KIF13A: variants seen among roughly 807,000 people sequenced by gnomAD.
KIF13A encodes kinesin family member 13A.
KIF13A carries 79 observed loss-of-function variants against 212.2 expected under a neutral mutation model. The ratio of observed to expected loss-of-function variants is 0.37; its 90% CI spans 0.31 to 0.45. The LOEUF (loss-of-function observed/expected upper bound fraction) is 0.45. KIF13A is among the 20% of genes least tolerant of loss of function. KIF13A has a pLI of 1.00. For missense variants in KIF13A, 1,901 were observed against 2,209.0 expected, an observed-to-expected ratio of 0.86 and a Z score of 2.79; for synonymous variants, 789 against 808.6, an observed-to-expected ratio of 0.98 and a Z score of 0.41.
At position 17,966,520 on chromosome 6, in the gene KIF13A, G is replaced by C. The variant is rs1023827728; in HGVS notation, c.146+20534C>G. ...AAAAAAAAAAAAAACCCATGATTTA[G>C]AAGACTTTTAATGGTCAAGTATGAC... On this transcript the variant is annotated intron_variant, in intron 2 of 38. Transcript: ENST00000259711. 1.1e-4 allele frequency among the ~76,000 whole-genome samples: 14 copies of C among 126,246 alleles called. No individual in the cohort carries two copies. The Admixed American group carries it at 1.3e-3, about 12-fold the overall frequency. The allele number at this position is 126,246 out of a possible 152,430, so 82.8% of individuals were successfully genotyped here. A position where few individuals can be genotyped will look rare whatever the true frequency, so the allele number is the denominator to read the frequency against.
Position 17,984,400 on chromosome 6 carries a change from T to A in KIF13A, c.146+2654A>T. On this transcript the variant is annotated intron_variant, in intron 2 of 38. Coordinates refer to ENST00000259711, the MANE Select transcript of KIF13A (RefSeq NM_022113.6). The surrounding 1 kb of genome is among the most constrained non-coding windows in gnomAD (Gnocchi z 5.0). Reference sequence around the variant, plus strand: ...AAACAAATCCATGTGTCTTAATGTTTCAGAATGGTGATCAGTATACATATC... The same window carrying A: ...AAACAAATCCATGTGTCTTAATGTTACAGAATGGTGATCAGTATACATATC... 1.3e-5 allele frequency: 5 copies of A among 380,118 alleles called. No individual in the cohort carries two copies. Among genetic ancestry groups the A allele is most frequent in the Non-Finnish European group, 1.8e-5 (5 of 276,950 alleles). The allele number at this position is 380,118 out of a possible 1,614,324, so 23.5% of individuals were successfully genotyped here. A position where few individuals can be genotyped will look rare whatever the true frequency, so the allele number is the denominator to read the frequency against.
At chr6:17,831,405 C>T (rs1280120001) in intron 12 of KIF13A, among the ~76,000 whole-genome samples, 170 bp from the exon 13 acceptor site, 2 of 151,954 alleles carry the variant, frequency 1.3e-5, no homozygotes, top group Non-Finnish European at 2.9e-5. Flanking sequence ...CATCTTGTGG[C>T]AGGCGTGATA....
chr6:17,925,324 A>T (rs1775410223), intron 2 of KIF13A, among the ~76,000 whole-genome samples: 1 of 152,246 alleles, frequency 6.6e-6, no homozygotes. Context: ...AGCGGGAGGA[A>T]GAATAGGGTT....
At chr6:17,955,138 T>C (rs536153246) in intron 2 of KIF13A, among the ~76,000 whole-genome samples, 40 of 152,282 alleles carry the variant, frequency 2.6e-4, no homozygotes, top group African/African-American at 7.7e-4. Context: ...CCTACAAGTA[T>C]TACTATACAT....
chr6:17,823,696 G>A (rs1432492358), intron 16 of KIF13A, among the ~76,000 whole-genome samples: 7 of 151,044 alleles, frequency 4.6e-5, no homozygotes, highest in Non-Finnish European at 7.4e-5. Flanking sequence ...TCGAACTCCC[G>A]GCCTCAAGTA....
intron 6 of KIF13A, among the ~76,000 whole-genome samples, chr6:17,854,941 T>C (rs886456426): frequency 2.0e-5 from 3 of 152,116 alleles, no homozygotes; most frequent in Non-Finnish European, 4.4e-5. Flanking sequence ...TTAAAAAAAA[T>C]ATAGATCCCT....
At chr6:17,952,027 G>A (rs1777891765) in intron 2 of KIF13A, among the ~76,000 whole-genome samples, 1 of 152,050 alleles carries the variant, frequency 6.6e-6, no homozygotes, top group Non-Finnish European at 1.5e-5. Context: ...TAGTTTGCCG[G>A]GCGTGGTGGC....
rs553601730 is a variant in KIF13A, at chr6:17,826,480, A to G, written c.1533-356T>C. Among the ~76,000 whole-genome samples, 2 of 152,310 alleles carry G rather than the reference A, an allele frequency of 1.3e-5. No homozygotes were observed. Among genetic ancestry groups the G allele is most frequent in the East Asian group, 3.9e-4 (2 of 5,186 alleles). Reference sequence around the variant, plus strand: ...ACAATGGAGGATGTGAAATGATGCCATGGGATGCAGTGAGCAAAATCCTGA... The same window carrying G: ...ACAATGGAGGATGTGAAATGATGCCGTGGGATGCAGTGAGCAAAATCCTGA... On this transcript the variant is annotated intron_variant, in intron 14 of 38. Transcript: ENST00000259711. The surrounding 1 kb of genome is among the most constrained non-coding windows in gnomAD (Gnocchi z 4.7).
chr6:17,835,077 T>C (rs888209318), intron 11 of KIF13A, among the ~76,000 whole-genome samples: 1 of 151,714 alleles, frequency 6.6e-6, no homozygotes, highest in Admixed American at 6.6e-5. Context: ...TCCTAGCTAC[T>C]TGGGAGGCTG....
intron 38 of KIF13A, chr6:17,770,861 G>T (rs1042328728): frequency 5.7e-5 from 36 of 634,836 alleles, no homozygotes; most frequent in Non-Finnish European, 7.2e-5. Flanking sequence ...TTTTATAAAG[G>T]CCAGAAGCAA....
rs1256787767 is a variant in KIF13A, at chr6:17,856,866, C to T, written c.221-744G>A. On this transcript the variant is annotated intron_variant, in intron 4 of 38. Coordinates refer to ENST00000259711, the MANE Select transcript of KIF13A (RefSeq NM_022113.6). The surrounding 1 kb of genome is among the most constrained non-coding windows in gnomAD (Gnocchi z 4.5). ...TCACTAAGACAATTAGACTTATGTT[C>T]TCCTTCCTGTCTTCTTATAGTCCTT... Among the ~76,000 whole-genome samples the T allele has an allele frequency of 2.0e-5, 3 of 152,178 alleles. No individual in the cohort carries two copies. Among genetic ancestry groups the T allele is most frequent in the Non-Finnish European group, 4.4e-5 (3 of 68,028 alleles).
intron 3 of KIF13A, among the ~76,000 whole-genome samples, chr6:17,894,005 A>G (rs1772326868): frequency 6.6e-6 from 1 of 151,466 alleles, no homozygotes; most frequent in African/African-American, 2.4e-5. Context: ...ACACCCGGCT[A>G]ATTTTTGTAT....
At position 17,794,874 on chromosome 6, in the gene KIF13A, CTTTTT is replaced by C; in HGVS notation, c.2943-175_2943-171del. 1.6e-6 allele frequency: 1 copy of C among 619,368 alleles called. No individual in the cohort carries two copies. Among genetic ancestry groups the C allele is most frequent in the Non-Finnish European group, 2.7e-6 (1 of 375,848 alleles). The allele number at this position is 619,368 out of a possible 1,614,324, so 38.4% of individuals were successfully genotyped here. A position where few individuals can be genotyped will look rare whatever the true frequency, so the allele number is the denominator to read the frequency against. ...TCAAAACCAACCTGTCATATTGTTTCTTTTTATTTATTTTACTGAGGTAGACTGAA... is the reference window on the plus strand; with the variant it reads ...TCAAAACCAACCTGTCATATTGTTTCATTTATTTTACTGAGGTAGACTGAA... On this transcript the variant is annotated intron_variant, in intron 23 of 38. Coordinates refer to ENST00000259711, the MANE Select transcript of KIF13A (RefSeq NM_022113.6). The surrounding 1 kb of genome is among the most constrained non-coding windows in gnomAD (Gnocchi z 4.1).
rs1761364626 is a variant in KIF13A at position 17,789,643 on chromosome 6, C to T, written c.3261+229G>A. ...CTTGCTTAGCAATAAGCCAGTAAAT[C>T]GAGATGGCATAGCAAAAAGGCAATA... On this transcript the variant is annotated intron_variant, in intron 26 of 38. Coordinates refer to ENST00000259711, the MANE Select transcript of KIF13A (RefSeq NM_022113.6). This position sits in a 1 kb window ranked among gnomAD's most constrained non-coding sequence, Gnocchi z 4.8. Among the ~76,000 whole-genome samples the T allele has an allele frequency of 2.0e-5, 3 of 152,024 alleles. No individual in the cohort carries two copies. Among genetic ancestry groups the T allele is most frequent in the Non-Finnish European group, 4.4e-5 (3 of 67,996 alleles).
chr6:17,905,509 G>C (rs963373845), intron 2 of KIF13A, among the ~76,000 whole-genome samples: 1 of 152,142 alleles, frequency 6.6e-6, no homozygotes, highest in Admixed American at 6.5e-5. Flanking sequence ...ACTTTGTTGG[G>C]ATACAAAAAT....
At position 17,839,868 on chromosome 6, in the gene KIF13A, A is replaced by C. The variant is rs2150383760; in HGVS notation, c.831-2285T>G. On this transcript the variant is annotated intron_variant, in intron 9 of 38. Transcript: ENST00000259711. This position sits in a 1 kb window ranked among gnomAD's most constrained non-coding sequence, Gnocchi z 4.3. The stretch of plus-strand genomic sequence containing the variant: ...TCTCCCTCTGACCTGCTAAGAGGGA[A>C]CAAACCCTGCTGACCCCTTGATTTC... Among the ~76,000 whole-genome samples the C allele has an allele frequency of 6.6e-6, 1 of 152,314 alleles. No individual in the cohort carries two copies. The highest frequency in any genetic ancestry group is 2.4e-5 in the African/African-American group (1 of 41,580).
intron 2 of KIF13A, among the ~76,000 whole-genome samples, chr6:17,957,630 G>A (rs976617736): frequency 1.3e-5 from 2 of 152,176 alleles, no homozygotes; most frequent in Admixed American, 6.5e-5. Context: ...GTGGGACTGA[G>A]CCCTCAACCC....
intron 2 of KIF13A, among the ~76,000 whole-genome samples, chr6:17,981,707 T>C (rs757030585): frequency 3.3e-5 from 5 of 151,878 alleles, no homozygotes; most frequent in Non-Finnish European, 5.9e-5. Context: ...CAGGTGTGAG[T>C]CACTGAGTCA....
intron 2 of KIF13A, among the ~76,000 whole-genome samples, chr6:17,911,637 G>A (rs1177993323): frequency 6.6e-6 from 1 of 150,928 alleles, no homozygotes; most frequent in Non-Finnish European, 1.5e-5. Context: ...TAGAAGGATG[G>A]TTACCAGAAG....
Sources: gnomAD v4.1 joint callset for allele counts (sites outside exome capture counted in the v4.1 genomes callset) on GRCh38, gnomAD v4.1.1 for gene constraint, Gnocchi (gnomAD v3.1) non-coding constraint, MANE v1.5 for transcripts, NCBI Gene and HGNC (gene_info 2026-07-23, HGNC 2026-07-21) for gene names.